Variants in PGM5 observed in about 807,000 individuals in gnomAD.
PGM5 encodes the protein phosphoglucomutase-like protein 5.
A neutral mutation model predicts 59.2 loss-of-function variants in PGM5; 23 were observed. That is an observed-to-expected ratio of 0.39 (90% CI 0.28 to 0.55). The LOEUF (loss-of-function observed/expected upper bound fraction) is 0.55. PGM5 is among the 20% of genes least tolerant of loss of function. The pLI is 0.66. For synonymous variants in PGM5, 214 were observed against 286.0 expected, an observed-to-expected ratio of 0.75 and a Z score of 2.54; for missense variants, 574 against 748.3, an observed-to-expected ratio of 0.77 and a Z score of 2.72.
At chr9:68,480,698 CA>C (rs559218499) in intron 8 of PGM5, among the ~76,000 whole-genome samples, 22 of 118,200 alleles carry the variant, frequency 1.9e-4, no homozygotes, top group Admixed American at 1.8e-4. Flanking sequence ...GACTCCATCT[CA>C]AAAAAAAAAA....
At chr9:68,453,769 A>G (rs1465162385) in intron 6 of PGM5, among the ~76,000 whole-genome samples, 2 of 152,218 alleles carry the variant, frequency 1.3e-5, no homozygotes, top group African/African-American at 4.8e-5. Flanking sequence ...TTTGCATGAA[A>G]TGAGCAAGTG....
intron 9 of PGM5, among the ~76,000 whole-genome samples, chr9:68,494,975 G>C (rs782612799): frequency 6.6e-6 from 1 of 152,160 alleles, no homozygotes; most frequent in Admixed American, 6.5e-5. Flanking sequence ...TTTAGTTGTC[G>C]AACGTGCAGT....
At chr9:68,520,520 G>A (rs565272295) in intron 10 of PGM5, among the ~76,000 whole-genome samples, 5 of 152,080 alleles carry the variant, frequency 3.3e-5, no homozygotes, top group Non-Finnish European at 7.4e-5. Flanking sequence ...ATTACACCAC[G>A]CAACATCAAC....
At chr9:68,415,816 TTATC>T (rs1452827984) in intron 6 of PGM5, among the ~76,000 whole-genome samples, 28 of 54,786 alleles carry the variant, frequency 5.1e-4, no homozygotes, top group Non-Finnish European at 7.9e-4. Context: ...TCTATCTATC[TTATC>T]TATCTATCAT....
chr9:68,476,279 T>C (rs931767490), intron 7 of PGM5, among the ~76,000 whole-genome samples: 2 of 152,224 alleles, frequency 1.3e-5, no homozygotes, highest in Non-Finnish European at 2.9e-5. Context: ...ATGTTGACTA[T>C]TATTATTTTC....
At chr9:68,484,751 T>C (rs1409729984) in intron 9 of PGM5, among the ~76,000 whole-genome samples, 1 of 152,176 alleles carries the variant, frequency 6.6e-6, no homozygotes, top group Non-Finnish European at 1.5e-5. Context: ...CCATTATTGG[T>C]GACAGATTCA....
chr9:68,454,431 C>T (rs782576935), intron 6 of PGM5, among the ~76,000 whole-genome samples: 2 of 152,104 alleles, frequency 1.3e-5, no homozygotes, highest in Non-Finnish European at 2.9e-5. Flanking sequence ...CCTAAGTGAA[C>T]GATGTGTGCA....
intron 6 of PGM5, among the ~76,000 whole-genome samples, chr9:68,441,367 G>T (rs977562126): frequency 3.9e-5 from 6 of 152,016 alleles, no homozygotes; most frequent in Non-Finnish European, 8.8e-5. Context: ...CATAAATATA[G>T]ATGTAAAAAT....
rs183688584 is a variant in PGM5 at position 68,515,941 on chromosome 9, C to A, written c.1615-13626C>A. Among the ~76,000 whole-genome samples, 86 of 152,228 alleles carry A rather than the reference C, an allele frequency of 5.6e-4. No individual in the cohort carries two copies. In the East Asian group the frequency reaches 0.015, roughly 26 times the overall value. ...ATGATAATGGTAATAATAATAATAA[C>A]AATAGTATCAAGTGCTTGCCCCGTA... On this transcript the variant is annotated intron_variant, in intron 10 of 10. Coordinates refer to ENST00000396396, the MANE Select transcript of PGM5 (RefSeq NM_021965.4).
intron 9 of PGM5, among the ~76,000 whole-genome samples, chr9:68,486,411 G>A (rs2132094977): frequency 6.6e-6 from 1 of 152,228 alleles, no homozygotes; most frequent in South Asian, 2.1e-4. Flanking sequence ...GAAATGTTGT[G>A]CTCTTTAGCT....
intron 7 of PGM5, among the ~76,000 whole-genome samples, chr9:68,468,129 A>G (rs191553105): frequency 9.9e-5 from 15 of 152,050 alleles, no homozygotes; most frequent in African/African-American, 3.6e-4. Flanking sequence ...TTCATCACCC[A>G]GGAATTAAGC....
rs1444330149 is a variant in PGM5, at chr9:68,376,835, CT to C, written c.262-1361del. Among the ~76,000 whole-genome samples the C allele has an allele frequency of 1.0e-3, 61 of 58,612 alleles. 1 individual carries two copies. The Admixed American group carries it at 0.011, about 11-fold the overall frequency. The allele number at this position is 58,612 out of a possible 152,430, so 38.5% of individuals were successfully genotyped here. A position where few individuals can be genotyped will look rare whatever the true frequency, so the allele number is the denominator to read the frequency against. ...TTTCTTTCTTTCTTTCTTTCTTTCT[CT>C]TTCTTTCTTTCTTTCTCTTTCTTTC... On this transcript the variant is annotated intron_variant, in intron 1 of 10. Coordinates refer to ENST00000396396, the MANE Select transcript of PGM5 (RefSeq NM_021965.4).
chr9:68,434,870 CTTATAG>C (rs782691022), intron 6 of PGM5, among the ~76,000 whole-genome samples: 3 of 151,926 alleles, frequency 2.0e-5, no homozygotes, highest in Non-Finnish European at 4.4e-5. Flanking sequence ...ATTATTCCTA[CTTATAG>C]TTAAGGTGCC....
chr9:68,400,467 T>C (rs1390475093), intron 6 of PGM5: 1 of 152,518 alleles, frequency 6.6e-6, no homozygotes, highest in Non-Finnish European at 1.5e-5. Context: ...CTTTATCTTT[T>C]ATGGCTTGAG....
intron 10 of PGM5, among the ~76,000 whole-genome samples, chr9:68,519,485 G>A (rs1226107796): frequency 6.6e-6 from 1 of 151,682 alleles, no homozygotes; most frequent in Non-Finnish European, 1.5e-5. Context: ...TAGTTTCTAG[G>A]TAACGATTAA....
chr9:68,433,603 G>A (rs190760601), intron 6 of PGM5, among the ~76,000 whole-genome samples: 4 of 152,148 alleles, frequency 2.6e-5, no homozygotes, highest in East Asian at 1.9e-4. Context: ...TGTCCAGTTC[G>A]AATCAGTTTG....
At chr9:68,466,505 G>A (rs1554685829) in intron 7 of PGM5, 1 of 167,984 alleles carries the variant, frequency 6.0e-6, no homozygotes, top group African/African-American at 2.4e-5. Context: ...GTTTTTTGTA[G>A]ATCTCATAAA....
At chr9:68,525,857 C>G (rs1290984485) in intron 10 of PGM5, among the ~76,000 whole-genome samples, 2 of 152,130 alleles carry the variant, frequency 1.3e-5, no homozygotes, top group African/African-American at 4.8e-5. Flanking sequence ...GAGATCAAGA[C>G]CGTCCTGGCT....
At chr9:68,378,411 A>G (rs782489640) in intron 2 of PGM5, 50 bp downstream of exon 2, 8 of 1,514,664 alleles carry the variant, frequency 5.3e-6, no homozygotes, top group Non-Finnish European at 7.1e-6. Context: ...TTCCTCTTAT[A>G]TTATTATAGT....
Sources: allele counts gnomAD v4.1 joint callset (sites outside exome capture counted in the v4.1 genomes callset), GRCh38; gene constraint gnomAD v4.1.1; transcripts MANE v1.5; gene names NCBI Gene and HGNC (gene_info 2026-07-23, HGNC 2026-07-21).